Variants in HM13 observed in about 807,000 individuals in gnomAD.
HM13 encodes histocompatibility minor 13, also known as signal peptide peptidase.
HM13 carries 18 observed loss-of-function variants against 50.0 expected under a neutral mutation model. The observed-to-expected ratio is 0.36, with a 90% CI of 0.25 to 0.53. The LOEUF (loss-of-function observed/expected upper bound fraction) is 0.53, where lower values mean the gene tolerates loss of function less well. Ranked by LOEUF, HM13 falls within the 20% of genes least tolerant of loss-of-function variation. HM13 has a pLI of 0.90. For synonymous variants in HM13, 197 were observed against 232.6 expected, an observed-to-expected ratio of 0.85 and a Z score of 1.39; for missense variants, 393 against 552.4, an observed-to-expected ratio of 0.71 and a Z score of 2.89.
chr20:31,516,517 G>T (rs1981791908), intron 1 of HM13, among the ~76,000 whole-genome samples: 1 of 152,180 alleles, frequency 6.6e-6, no homozygotes, highest in Non-Finnish European at 1.5e-5. Flanking sequence ...AGCACATCTG[G>T]GACAATGCAG....
At chr20:31,524,066 A>G (rs997591323) in intron 1 of HM13, among the ~76,000 whole-genome samples, 1 of 151,992 alleles carries the variant, frequency 6.6e-6, no homozygotes, top group Non-Finnish European at 1.5e-5. Context: ...CGCATCCCAT[A>G]TCTTATTTGC....
intron 1 of HM13, among the ~76,000 whole-genome samples, chr20:31,516,996 T>C (rs1312439686): frequency 6.6e-6 from 1 of 152,210 alleles, no homozygotes; most frequent in Non-Finnish European, 1.5e-5. Context: ...CAGGTATGCC[T>C]AGTCCTCATC....
intron 3 of HM13, chr20:31,541,490 T>TAAAAAAA (rs5841079): frequency 7.3e-6 from 1 of 136,784 alleles, no homozygotes. Flanking sequence ...CTGAAAAATA[T>TAAAAAAA]AAAAAAAAAA....
chr20:31,515,879 G>A (rs892002359), intron 1 of HM13, among the ~76,000 whole-genome samples: 2 of 152,130 alleles, frequency 1.3e-5, no homozygotes, highest in Non-Finnish European at 2.9e-5. Flanking sequence ...ATGGACCTAA[G>A]TGGAAGTCTT....
intron 1 of HM13, among the ~76,000 whole-genome samples, chr20:31,520,910 G>A (rs936404212): frequency 7.2e-5 from 11 of 152,158 alleles, no homozygotes; most frequent in African/African-American, 2.4e-4. Flanking sequence ...GCAGTGCTCC[G>A]AGAGCTTGAA....
In HM13 at chr20:31,554,827, C is replaced by T. The variant is rs1332763562; in HGVS notation, c.806C>T (p.Pro269Leu). The T allele has an allele frequency of 1.2e-6, 2 of 1,613,488 alleles. No individual in the cohort carries two copies. Among genetic ancestry groups the T allele is most frequent in the Admixed American group, 3.3e-5 (2 of 59,994 alleles). Reference protein sequence around the residue: ...AMLGLGDVVIPGIFIALLLRF... With the variant: ...AMLGLGDVVILGIFIALLLRF... Reference sequence around the variant, plus strand: ...CTGGGACTTGGAGATGTCGTCATTCCAGGTGAGCCTGCTGGTGTGGGGGCT... The same window carrying T: ...CTGGGACTTGGAGATGTCGTCATTCTAGGTGAGCCTGCTGGTGTGGGGGCT... The change falls in exon 8 of 13, where the codon CCA becomes CTA. Residue 269 changes from proline (P) to leucine (L), a missense_variant and splice_region_variant. By Grantham distance (98) the Pro-to-Leu change is moderately conservative. This residue lies in a region of HM13 where 74 missense variants were observed against 160.4 expected (regional missense o/e 0.46). Transcript: ENST00000398174.
intron 3 of HM13, chr20:31,540,845 C>G (rs1983408278): frequency 6.6e-6 from 1 of 151,504 alleles, no homozygotes; most frequent in Admixed American, 6.6e-5. Flanking sequence ...AAAAAAGTAG[C>G]CGGGTGTGAT....
rs746340209 is a variant in HM13 at position 31,514,537 on chromosome 20, G to A, written c.-15G>A. 1 of 1,600,892 alleles carries A rather than the reference G, an allele frequency of 6.2e-7. No individual in the cohort carries two copies. ...GCAACCGGAGCTGGAGTCGGATCCCGAACGCACCCTCGCCATGGACTCGGC... is the reference window on the plus strand; with the variant it reads ...GCAACCGGAGCTGGAGTCGGATCCCAAACGCACCCTCGCCATGGACTCGGC... On this transcript the variant is annotated 5_prime_UTR_variant, in exon 1 of 13. Transcript: ENST00000398174. The surrounding 1 kb of genome is among the most constrained non-coding windows in gnomAD (Gnocchi z 4.3).
rs1568799897 is a variant in HM13, at chr20:31,561,739, G to A, written c.948+3G>A. 1 of 1,589,784 alleles carries A rather than the reference G, an allele frequency of 6.3e-7. No homozygotes were observed. The highest frequency in any genetic ancestry group is 1.1e-5 in the South Asian group (1 of 90,572). ...TGCACATCTTCAAGCATGCTCAGGT[G>A]GGCAGGACGGTATCAGAGTGTCAGG... On this transcript the variant is annotated splice_donor_region_variant and intron_variant, in intron 10 of 12. Coordinates refer to ENST00000398174, the MANE Select transcript of HM13 (RefSeq NM_178581.3).
Position 31,539,323 on chromosome 20 carries a change from G to T in HM13, c.365+1062G>T, listed in dbSNP as rs1044350018. 6.1e-6 allele frequency: 6 copies of T among 985,374 alleles called. No homozygotes were observed. In the African/African-American group the frequency reaches 8.7e-5, roughly 14 times the overall value. The allele number at this position is 985,374 out of a possible 1,614,324, so 61.0% of individuals were successfully genotyped here. A position where few individuals can be genotyped will look rare whatever the true frequency, so the allele number is the denominator to read the frequency against. ...CCCCGTTGAAGAGGTGCAGCCTCAGGCTGAGAAACACTGATAGACCAAGAG... is the reference window on the plus strand; with the variant it reads ...CCCCGTTGAAGAGGTGCAGCCTCAGTCTGAGAAACACTGATAGACCAAGAG... On this transcript the variant is annotated intron_variant, in intron 3 of 12. Transcript: ENST00000398174.
At chr20:31,525,008 C>G (rs530653890) in intron 1 of HM13, among the ~76,000 whole-genome samples, 1 of 152,064 alleles carries the variant, frequency 6.6e-6, no homozygotes, top group African/African-American at 2.4e-5. Context: ...CCATTGTGCC[C>G]GGCCTCTGTG....
At chr20:31,538,650 G>C in intron 3 of HM13, 2 of 1,148,550 alleles carry the variant, frequency 1.7e-6, no homozygotes, top group Non-Finnish European at 2.1e-6. Flanking sequence ...TTCGTAAGGA[G>C]CCAGAGGCAG....
At chr20:31,530,171 T>G (rs1470239718) in intron 2 of HM13, among the ~76,000 whole-genome samples, 2 of 151,998 alleles carry the variant, frequency 1.3e-5, no homozygotes, top group Non-Finnish European at 2.9e-5. Context: ...GTACATCATT[T>G]AAAAAAATTT....
Position 31,554,788 on chromosome 20 carries a change from A to T in HM13, c.767A>T (p.Asn256Ile). The change falls in exon 8 of 13, where the codon AAC becomes ATC. Residue 256 changes from asparagine (N) to isoleucine (I), a missense_variant. Physicochemically the swap from Asn to Ile is moderately radical, Grantham distance 149. Coordinates refer to ENST00000398174, the MANE Select transcript of HM13 (RefSeq NM_178581.3). ...CTGCTGGAGAAAGGCCTCGAAGCAA[A>T]CAACTTTGCCATGCTGGGACTTGGA... ...QDLLEKGLEA[N>I]NFAMLGLGDV... 6.2e-7 allele frequency: 1 copy of T among 1,614,198 alleles called. No individual in the cohort carries two copies. The highest frequency in any genetic ancestry group is 8.5e-7 in the Non-Finnish European group (1 of 1,180,010).
Position 31,549,244 on chromosome 20 carries a change from C to G in HM13, c.578C>G (p.Ser193Cys). ...AACAACCTTTTTGGCCTGGCCTTCT[C>G]CCTTAATGGAGTAGAGCTCCTGCAC... ...IANNLFGLAF[S>C]LNGVELLHLN... Residue 193 changes from serine to cysteine, a missense_variant, in exon 6 of 13, where the codon TCC becomes TGC. Transcript: ENST00000398174. The G allele has an allele frequency of 6.2e-7, 1 of 1,614,218 alleles. No individual in the cohort carries two copies. The highest frequency in any genetic ancestry group is 8.5e-7 in the Non-Finnish European group (1 of 1,180,040).
At chr20:31,530,014 TG>T (rs1982718280) in intron 2 of HM13, among the ~76,000 whole-genome samples, 1 of 151,634 alleles carries the variant, frequency 6.6e-6, no homozygotes, top group African/African-American at 2.4e-5. Flanking sequence ...CATGTAGGCC[TG>T]GTGCAGTGGC....
chr20:31,564,481 G>A (rs931326161), intron 10 of HM13, among the ~76,000 whole-genome samples: 2 of 152,048 alleles, frequency 1.3e-5, no homozygotes, highest in African/African-American at 4.8e-5. Flanking sequence ...TAGGACTGAG[G>A]CGAGAGGATC....
intron 4 of HM13, among the ~76,000 whole-genome samples, chr20:31,546,672 T>C (rs1237894835): frequency 6.6e-6 from 1 of 151,756 alleles, no homozygotes; most frequent in East Asian, 1.9e-4. Flanking sequence ...GAGAATCGCT[T>C]TAACCTGGGA....
Position 31,514,831 on chromosome 20 carries a change from C to CT in HM13, c.183+98dup. On this transcript the variant is annotated intron_variant, in intron 1 of 12. Coordinates refer to ENST00000398174, the MANE Select transcript of HM13 (RefSeq NM_178581.3). This position sits in a 1 kb window ranked among gnomAD's most constrained non-coding sequence, Gnocchi z 4.3. Reference sequence around the variant, plus strand: ...CGGGACAGACACCTCTCCCCGGACACTGACTCTTCCCAGCCCTGATCACCA... The same window carrying CT: ...CGGGACAGACACCTCTCCCCGGACACTTGACTCTTCCCAGCCCTGATCACCA... The CT allele has an allele frequency of 1.7e-6, 2 of 1,165,682 alleles. No individual in the cohort carries two copies. Among genetic ancestry groups the CT allele is most frequent in the South Asian group, 3.1e-5 (2 of 63,522 alleles). 72.2% of individuals were successfully genotyped at this position (1,165,682 alleles called of 1,614,324 possible).
Sources: allele counts gnomAD v4.1 joint callset (sites outside exome capture counted in the v4.1 genomes callset), GRCh38; gene constraint gnomAD v4.1.1; regional missense constraint gnomAD v4.1.1; non-coding constraint Gnocchi (gnomAD v3.1); transcripts MANE v1.5; gene names NCBI Gene and HGNC (gene_info 2026-07-23, HGNC 2026-07-21).